The following FBXW4 variants were observed in gnomAD, a reference collection of about 807,000 sequenced individuals.
FBXW4 encodes the protein F-box and WD repeat domain containing 4, also known as F-box/WD repeat-containing protein 4.
FBXW4 carries 40 observed loss-of-function variants against 61.8 expected under a neutral mutation model. The observed-to-expected ratio is 0.65, with a 90% confidence interval of 0.50 to 0.84. FBXW4 has a LOEUF of 0.84. FBXW4 is among the 40% of genes least tolerant of loss of function. The pLI, the probability that FBXW4 is intolerant of heterozygous loss-of-function variation, is 0.00. For synonymous variants in FBXW4, 311 were observed against 313.8 expected, an observed-to-expected ratio of 0.99 and a Z score of 0.10; for missense variants, 672 against 753.8, an observed-to-expected ratio of 0.89 and a Z score of 1.27.
Position 101,689,589 on chromosome 10 carries a change from A to T in FBXW4, c.725+4792T>A, listed in dbSNP as rs572112486. 5.4e-4 allele frequency among the ~76,000 whole-genome samples: 83 copies of T among 152,372 alleles called. 1 individual carries two copies. Among genetic ancestry groups the T allele is most frequent in the Non-Finnish European group, 7.9e-4 (54 of 68,036 alleles). On this transcript the variant is annotated intron_variant, in intron 1 of 8. Transcript: ENST00000331272. Reference sequence around the variant, plus strand: ...GACTGTCCTCCCTGGGTAAGGCAGAAAACTGGAGAAAGCCTAAGCTACTTT... The same window carrying T: ...GACTGTCCTCCCTGGGTAAGGCAGATAACTGGAGAAAGCCTAAGCTACTTT...
chr10:101,673,584 G>A lies in FBXW4; in HGVS notation c.911C>T (p.Ala304Val). 2.5e-6 allele frequency: 4 copies of A among 1,614,002 alleles called. No homozygotes were observed. The highest frequency in any genetic ancestry group is 2.2e-5 in the East Asian group (1 of 44,890). ...ILAYQFRPDG[A>V]SLNRRPLGVF... ...TCCCAGAGGCCGACGATTCAAGCTG[G>A]CACCATCTGGACGGAACTGGTAGGC... The change falls in exon 3 of 9, where the codon GCC becomes GTC. Residue 304 changes from alanine to valine, a missense_variant. Transcript: ENST00000331272.
chr10:101,648,142 TTTTG>T (rs1464696188), intron 5 of FBXW4, among the ~76,000 whole-genome samples: 1 of 152,180 alleles, frequency 6.6e-6, no homozygotes, highest in African/African-American at 2.4e-5. Context: ...ATTTGGGTTT[TTTTG>T]TTTGTTTGTT....
rs781398724 is a variant in FBXW4, at chr10:101,673,535, G to A, written c.960C>T (p.Asp320=). 1.7e-5 allele frequency: 27 copies of A among 1,613,786 alleles called. No individual in the cohort carries two copies. The South Asian group carries it at 2.2e-4, about 13-fold the overall frequency. The change falls in exon 3 of 9, where the codon GAC becomes GAT. Residue 320 remains aspartate (D), a synonymous_variant. Coordinates refer to ENST00000331272, the MANE Select transcript of FBXW4 (RefSeq NM_022039.4). The part of the protein sequence containing the change: ...PLGVFAGHDE[D]VCHFVLANSH... ...AGTTGGCCAGCACAAAGTGGCAAAC[G>A]TCCTCATCATGCCCAGCAAAGACTC...
chr10:101,624,889 G>A (rs1010785571), intron 5 of FBXW4, 79 bp from the exon 6 acceptor site: 39 of 1,460,164 alleles, frequency 2.7e-5, no homozygotes, highest in Admixed American at 1.2e-4. Flanking sequence ...GGGAAATGCC[G>A]TGCTCATTCC....
intron 5 of FBXW4, among the ~76,000 whole-genome samples, chr10:101,638,302 G>A (rs1458936263): frequency 6.6e-6 from 1 of 152,132 alleles, no homozygotes; most frequent in East Asian, 1.9e-4. Flanking sequence ...GGGGTGCTCT[G>A]ACATGAAAGG....
At chr10:101,631,687 G>A (rs2063958578) in intron 5 of FBXW4, among the ~76,000 whole-genome samples, 1 of 151,490 alleles carries the variant, frequency 6.6e-6, no homozygotes, top group South Asian at 2.1e-4. Context: ...GAGTGCAGTG[G>A]CGCAATCTCG....
chr10:101,641,053 A>T (rs545373025), intron 5 of FBXW4, among the ~76,000 whole-genome samples: 4 of 133,586 alleles, frequency 3.0e-5, no homozygotes, highest in Admixed American at 2.3e-4. Context: ...CTGGTGTCGA[A>T]CTCCTGACCT....
In FBXW4 at chr10:101,624,906, G is replaced by T; in HGVS notation, c.1236-96C>A. 4 of 1,352,042 alleles carry T rather than the reference G, an allele frequency of 3.0e-6. No individual in the cohort carries two copies. In the South Asian group the frequency reaches 4.8e-5, roughly 16 times the overall value. 83.8% of individuals were successfully genotyped at this position (1,352,042 alleles called of 1,614,324 possible). On this transcript the variant is annotated intron_variant, in intron 5 of 8. Coordinates refer to ENST00000331272, the MANE Select transcript of FBXW4 (RefSeq NM_022039.4). Reference sequence around the variant, plus strand: ...GAAATGCCGTGCTCATTCCCTAGGGGATTGTGGGTTAAGCCAGAATGAGAG... The same window carrying T: ...GAAATGCCGTGCTCATTCCCTAGGGTATTGTGGGTTAAGCCAGAATGAGAG...
intron 2 of FBXW4, among the ~76,000 whole-genome samples, chr10:101,674,439 C>T (rs1427737414): frequency 6.6e-6 from 1 of 152,106 alleles, no homozygotes; most frequent in Non-Finnish European, 1.5e-5. Flanking sequence ...TTCTAGGATT[C>T]CCATACATAC....
At chr10:101,664,144 C>T (rs1564919321) in intron 5 of FBXW4, among the ~76,000 whole-genome samples, 1 of 152,294 alleles carries the variant, frequency 6.6e-6, no homozygotes, top group African/African-American at 2.4e-5. Flanking sequence ...TGAACACAGA[C>T]AGATACTTGC....
At chr10:101,616,524 G>A (rs1027218878) in intron 6 of FBXW4, among the ~76,000 whole-genome samples, 1 of 152,202 alleles carries the variant, frequency 6.6e-6, no homozygotes, top group African/African-American at 2.4e-5. Context: ...TCTACAAGGG[G>A]GCAGCTAAGA....
rs147872277 is a variant in FBXW4 at position 101,672,184 on chromosome 10, A to C, written c.1140+731T>G. 2.9e-3 allele frequency among the ~76,000 whole-genome samples: 435 copies of C among 152,304 alleles called. 1 individual carries two copies. Among genetic ancestry groups the C allele is most frequent in the Middle Eastern group, 0.02 (6 of 294 alleles). ...CACTATTGGGCCTCCTGCACCACCA[A>C]CTGAATTGTCAGCAAAGTTCCCACA... On this transcript the variant is annotated intron_variant, in intron 4 of 8. Transcript: ENST00000331272.
At chr10:101,648,956 TCTCCTCTACCATGCTCCAAA>T (rs2064123959) in intron 5 of FBXW4, among the ~76,000 whole-genome samples, 1 of 152,016 alleles carries the variant, frequency 6.6e-6, no homozygotes, top group South Asian at 2.1e-4. Context: ...CATCTCTCCC[TCTCCTCTACCATGCTCCAAA>T]CTCTGCTTTA....
intron 5 of FBXW4, among the ~76,000 whole-genome samples, chr10:101,664,616 G>A (rs1473238659): frequency 3.7e-4 from 57 of 152,196 alleles, no homozygotes; most frequent in Admixed American, 3.7e-3. Context: ...CCCACCTCAA[G>A]AAGACTGCAA....
chr10:101,656,805 T>G (rs2064189176), intron 5 of FBXW4, among the ~76,000 whole-genome samples: 2 of 152,288 alleles, frequency 1.3e-5, no homozygotes, highest in Admixed American at 1.3e-4. Flanking sequence ...GCTCTAACAT[T>G]ATTTTAATAT....
At chr10:101,657,602 T>C (rs1361603378) in intron 5 of FBXW4, among the ~76,000 whole-genome samples, 1 of 132,910 alleles carries the variant, frequency 7.5e-6, no homozygotes, top group Non-Finnish European at 1.5e-5. Context: ...ATCACGCCAC[T>C]GTAGTCCAGC....
chr10:101,621,523 GTC>G (rs906461301), intron 6 of FBXW4, among the ~76,000 whole-genome samples: 1 of 152,112 alleles, frequency 6.6e-6, no homozygotes, highest in Non-Finnish European at 1.5e-5. Flanking sequence ...GCAAGTCCCT[GTC>G]TCTCAAGAAA....
At chr10:101,631,033 A>G (rs2063951137) in intron 5 of FBXW4, among the ~76,000 whole-genome samples, 1 of 152,084 alleles carries the variant, frequency 6.6e-6, no homozygotes, top group Admixed American at 6.5e-5. Flanking sequence ...AAGCTGCAAG[A>G]CCAGGCAGGG....
chr10:101,672,982 T>G lies in FBXW4; in HGVS notation c.1073A>C (p.Gln358Pro). 1 of 1,614,116 alleles carries G rather than the reference T, an allele frequency of 6.2e-7. No individual in the cohort carries two copies. Among genetic ancestry groups the G allele is most frequent in the Non-Finnish European group, 8.5e-7 (1 of 1,180,008 alleles). Residue 358 changes from glutamine (Q) to proline (P), a missense_variant, in exon 4 of 9, where the codon CAG (glutamine) becomes CCG (proline). Gln to Pro is a moderately conservative substitution (Grantham distance 76, BLOSUM62 -1). Coordinates refer to ENST00000331272, the MANE Select transcript of FBXW4 (RefSeq NM_022039.4). ...TTTGCAATCCACACAGTTCACCTCC[T>G]GTTCATGAGCCGAGTACTTGACAGT... ...TFTVKYSAHE[Q>P]EVNCVDCKGG...
Sources: gnomAD v4.1 joint callset for allele counts (sites outside exome capture counted in the v4.1 genomes callset) on GRCh38, gnomAD v4.1.1 for gene constraint, MANE v1.5 for transcripts, NCBI Gene and HGNC (gene_info 2026-07-23, HGNC 2026-07-21) for gene names.